KCNJ3: variants seen among roughly 807,000 people sequenced by gnomAD.
KCNJ3 encodes G protein-activated inward rectifier potassium channel 1.
Under a neutral mutation model 39.2 loss-of-function variants are expected in KCNJ3, and 4 were observed. The observed-to-expected ratio is 0.10, with a 90% confidence interval of 0.05 to 0.23. The LOEUF (loss-of-function observed/expected upper bound fraction) is 0.23. KCNJ3 is among the 10% of genes least tolerant of loss of function. KCNJ3 has a pLI of 1.00. For missense variants in KCNJ3, 276 were observed against 634.9 expected (o/e 0.43, Z 6.08); for synonymous variants, 230 against 237.4 (o/e 0.97, Z 0.29).
chr2:154,788,276 A>C (rs2105208403), intron 2 of KCNJ3, among the ~76,000 whole-genome samples: 1 of 152,308 alleles, frequency 6.6e-6, no homozygotes, highest in South Asian at 2.1e-4. Context: ...GATATTGAGA[A>C]GATATAATAA....
intron 2 of KCNJ3, among the ~76,000 whole-genome samples, chr2:154,778,377 A>G (rs1200558409): frequency 1.3e-5 from 2 of 152,214 alleles, no homozygotes; most frequent in African/African-American, 4.8e-5. Flanking sequence ...AGGCCAGTGC[A>G]AAACAACAGA....
intron 2 of KCNJ3, among the ~76,000 whole-genome samples, chr2:154,819,094 C>T (rs895932125): frequency 2.0e-5 from 3 of 151,312 alleles, no homozygotes; most frequent in Non-Finnish European, 2.9e-5. Flanking sequence ...CCTAAGAGTT[C>T]GAGACCAGCC....
chr2:154,706,172 C>A (rs7578438), intron 1 of KCNJ3, among the ~76,000 whole-genome samples: 78,626 of 151,716 alleles, frequency 0.52, 21,084 homozygotes, highest in African/African-American at 0.66. Context: ...AAAATAATTT[C>A]AATTATTGTT....
At chr2:154,816,772 G>A (rs1428581297) in intron 2 of KCNJ3, among the ~76,000 whole-genome samples, 1 of 152,116 alleles carries the variant, frequency 6.6e-6, no homozygotes, top group Non-Finnish European at 1.5e-5. Context: ...TTCCTGAGGT[G>A]ATGTTTGCAT....
At chr2:154,788,286 A>G (rs2105208418) in intron 2 of KCNJ3, among the ~76,000 whole-genome samples, 1 of 152,276 alleles carries the variant, frequency 6.6e-6, no homozygotes, top group South Asian at 2.1e-4. Context: ...AGATATAATA[A>G]AGTAACTAGA....
intron 2 of KCNJ3, among the ~76,000 whole-genome samples, chr2:154,726,267 GA>G (rs1424165883): frequency 6.6e-6 from 1 of 151,710 alleles, no homozygotes; most frequent in Non-Finnish European, 1.5e-5. Flanking sequence ...AAATTAGCAA[GA>G]AAAAAAGAAT....
At chr2:154,848,766 T>C (rs1289427046) in intron 2 of KCNJ3, among the ~76,000 whole-genome samples, 1 of 152,000 alleles carries the variant, frequency 6.6e-6, no homozygotes. Flanking sequence ...ACAGCATAGG[T>C]GGTAGAGCTG....
intron 2 of KCNJ3, among the ~76,000 whole-genome samples, chr2:154,791,103 C>T (rs1241507168): frequency 1.3e-5 from 2 of 151,968 alleles, no homozygotes; most frequent in Non-Finnish European, 2.9e-5. Flanking sequence ...GAAGCCTCAC[C>T]CCACTGTTGG....
intron 2 of KCNJ3, among the ~76,000 whole-genome samples, chr2:154,854,515 T>C (rs1687807118): frequency 6.6e-6 from 1 of 152,226 alleles, no homozygotes; most frequent in African/African-American, 2.4e-5. Flanking sequence ...CAAACATGAA[T>C]AGTATCATCA....
At position 154,858,096 on chromosome 2, in the gene KCNJ3, T is replaced by A. The variant is rs554132817; in HGVS notation, c.*2783T>A. The stretch of plus-strand genomic sequence containing the variant: ...TTATCTGAGTGAATGGTATTTTTTT[T>A]ATCTTTTCCACACATGCGTGGGAAA... On this transcript the variant is annotated 3_prime_UTR_variant, in exon 3 of 3. Coordinates refer to ENST00000295101, the MANE Select transcript of KCNJ3 (RefSeq NM_002239.4). 9 of 152,134 alleles carry A rather than the reference T, an allele frequency of 5.9e-5. No individual in the cohort carries two copies. The highest frequency in any genetic ancestry group is 1.2e-4 in the Non-Finnish European group (8 of 67,978). 9.4% of individuals were successfully genotyped at this position (152,134 alleles called of 1,614,324 possible). A position where few individuals can be genotyped will look rare whatever the true frequency, so the allele number is the denominator to read the frequency against.
intron 2 of KCNJ3, among the ~76,000 whole-genome samples, chr2:154,808,146 T>A (rs975494023): frequency 1.3e-5 from 2 of 150,356 alleles, no homozygotes; most frequent in African/African-American, 4.9e-5. Flanking sequence ...AGTGGAACAA[T>A]CTCGGTTTAT....
chr2:154,826,148 C>T (rs935341399), intron 2 of KCNJ3, among the ~76,000 whole-genome samples: 1 of 152,082 alleles, frequency 6.6e-6, no homozygotes, highest in Non-Finnish European at 1.5e-5. Context: ...GACTAACTTA[C>T]CTATGGCATC....
chr2:154,799,182 A>T (rs1686769390), intron 2 of KCNJ3, among the ~76,000 whole-genome samples: 1 of 152,144 alleles, frequency 6.6e-6, no homozygotes, highest in African/African-American at 2.4e-5. Context: ...CCCAGGCTGG[A>T]GTGCAGTGGC....
intron 2 of KCNJ3, among the ~76,000 whole-genome samples, chr2:154,731,713 G>A (rs1473611831): frequency 2.7e-5 from 4 of 149,282 alleles, no homozygotes; most frequent in Non-Finnish European, 4.5e-5. Context: ...TCTTGCTCTG[G>A]AAAAAAAAAG....
intron 2 of KCNJ3, among the ~76,000 whole-genome samples, chr2:154,781,095 CT>C (rs1468423895): frequency 6.6e-6 from 1 of 152,082 alleles, no homozygotes; most frequent in Non-Finnish European, 1.5e-5. Flanking sequence ...ACAACTGGCC[CT>C]TTGAAGATGG....
chr2:154,833,616 T>C (rs1015983483), intron 2 of KCNJ3, among the ~76,000 whole-genome samples: 2 of 152,216 alleles, frequency 1.3e-5, no homozygotes, highest in East Asian at 1.9e-4. Context: ...TTAACAAATG[T>C]ATGATGATGT....
intron 2 of KCNJ3, among the ~76,000 whole-genome samples, chr2:154,775,182 G>A (rs1686311458): frequency 6.6e-6 from 1 of 152,176 alleles, no homozygotes; most frequent in Admixed American, 6.5e-5. Flanking sequence ...CTTCCAAAGT[G>A]CTGGGATTAC....
intron 2 of KCNJ3, among the ~76,000 whole-genome samples, chr2:154,753,967 A>T (rs904199903): frequency 1.3e-5 from 2 of 152,212 alleles, no homozygotes; most frequent in African/African-American, 4.8e-5. Flanking sequence ...TATCAAAAAC[A>T]GAAAATTAGC....
At chr2:154,813,844 T>C (rs1687040300) in intron 2 of KCNJ3, among the ~76,000 whole-genome samples, 1 of 152,222 alleles carries the variant, frequency 6.6e-6, no homozygotes, top group African/African-American at 2.4e-5. Flanking sequence ...ACTGGCATCT[T>C]CCTCACATAG....
Sources: gnomAD v4.1 joint callset for allele counts (sites outside exome capture counted in the v4.1 genomes callset) on GRCh38, gnomAD v4.1.1 for gene constraint, MANE v1.5 for transcripts, NCBI Gene and HGNC (gene_info 2026-07-23, HGNC 2026-07-21) for gene names.